The following MATN3 variants were observed in gnomAD, a reference collection of about 807,000 sequenced individuals.
MATN3 encodes matrilin 3, also known as matrilin-3.
MATN3 carries 48 observed loss-of-function variants against 45.3 expected under a neutral mutation model. The ratio of observed to expected loss-of-function variants is 1.06; its 90% confidence interval spans 0.84 to 1.35. The LOEUF (loss-of-function observed/expected upper bound fraction) is 1.35. MATN3 is among the 40% of genes most tolerant of loss of function. MATN3 has a pLI of 0.00. For synonymous variants in MATN3, 217 were observed against 245.9 expected (o/e 0.88, Z 1.10); for missense variants, 599 against 628.0 (o/e 0.95, Z 0.49).
chr2:20,002,688 C>T (rs1479529615), intron 3 of MATN3, among the ~76,000 whole-genome samples: 1 of 152,122 alleles, frequency 6.6e-6, no homozygotes, highest in Non-Finnish European at 1.5e-5. Flanking sequence ...CAGCCTCGAC[C>T]TCCTGGTCTC....
Position 20,002,191 on chromosome 2 carries a change from C to CACACACACACACACACACAG in MATN3, c.917-112_917-111insCTGTGTGTGTGTGTGTGTGT, listed in dbSNP as rs147407955. 3,074 of 757,610 alleles carry CACACACACACACACACACAG rather than the reference C, an allele frequency of 4.1e-3. 58 individuals are homozygous for CACACACACACACACACACAG. Among genetic ancestry groups the CACACACACACACACACACAG allele is most frequent in the East Asian group, 0.017 (493 of 29,300 alleles). 46.9% of individuals were successfully genotyped at this position (757,610 alleles called of 1,614,324 possible). ...ACACACACACACACACACACACACA[C>CACACACACACACACACACAG]AGAGCTAATGAAACAAGGGAGGGGC... is the stretch of plus-strand genomic sequence containing the variant. On this transcript the variant is annotated intron_variant, in intron 3 of 7. Coordinates refer to ENST00000407540, the MANE Select transcript of MATN3 (RefSeq NM_002381.5).
Position 20,000,485 on chromosome 2 carries a change from C to T in MATN3, c.1124G>A (p.Cys375Tyr). Residue 375 changes from cysteine to tyrosine, a missense_variant, in exon 5 of 8, where the codon TGC (cysteine) becomes TAC (tyrosine). Transcript: ENST00000407540. ...NDRTGSHHCECYEGYTLNADK... is the reference protein window; with the variant it reads ...NDRTGSHHCEYYEGYTLNADK... ...TGCATTCAGAGTGTAGCCCTCATAG[C>T]ATTCACAATGATGGGACCCTGTTCT... The T allele has an allele frequency of 3.1e-6, 5 of 1,612,462 alleles. No individual in the cohort carries two copies. The highest frequency in any genetic ancestry group is 4.2e-6 in the Non-Finnish European group (5 of 1,178,992).
chr2:19,993,943 A>G (rs764982622), intron 7 of MATN3, among the ~76,000 whole-genome samples: 18 of 152,192 alleles, frequency 1.2e-4, no homozygotes, highest in Non-Finnish European at 2.4e-4. Flanking sequence ...ACACCCCATT[A>G]ATCAGCTGAC....
chr2:20,001,916 G>T (rs2103481996), intron 4 of MATN3, 39 bp downstream of exon 4: 2 of 1,600,048 alleles, frequency 1.2e-6, no homozygotes, highest in South Asian at 2.2e-5. Context: ...GGTAGGCAGA[G>T]AGCTAAGTAG....
chr2:20,006,080 G>A lies in MATN3; in HGVS notation c.454C>T (p.Arg152Ter), dbSNP rs760921257. ...DKQSLKQAVG[R>*]ITPLSTGTMS... is the part of the protein sequence containing the mutation. Reference sequence around the variant, plus strand: ...GTGCCTGTTGACAAGGGTGTGATTCGACCCACGGCCTGCTTCAGGGACTGC... The same window carrying A: ...GTGCCTGTTGACAAGGGTGTGATTCAACCCACGGCCTGCTTCAGGGACTGC... The change falls in exon 2 of 8, where the codon CGA becomes TGA. Residue 152 changes from arginine to a stop codon, truncating the protein, a stop_gained. Coordinates refer to ENST00000407540, the MANE Select transcript of MATN3 (RefSeq NM_002381.5). LOFTEE classifies it high-confidence loss of function. 27 of 1,613,842 alleles carry A rather than the reference G, an allele frequency of 1.7e-5. No homozygotes were observed. Among genetic ancestry groups the A allele is most frequent in the East Asian group, 2.2e-5 (1 of 44,892 alleles).
chr2:19,993,298 A>C, intron 7 of MATN3, 132 bp from the exon 8 acceptor site: 1 of 754,240 alleles, frequency 1.3e-6, no homozygotes, highest in South Asian at 1.7e-5. Flanking sequence ...CTGTTTTCTC[A>C]CCAAAAGTTG....
Position 19,994,319 on chromosome 2 carries a change from A to C in MATN3, c.1385T>G (p.Leu462Arg), listed in dbSNP as rs773613792. 19 of 1,612,464 alleles carry C rather than the reference A, an allele frequency of 1.2e-5. No homozygotes were observed. The highest frequency in any genetic ancestry group is 1.2e-4 in the Admixed American group (7 of 59,938). The change falls in exon 7 of 8, where the codon CTT (leucine) becomes CGT (arginine). Residue 462 changes from leucine to arginine, a missense_variant. Leu to Arg is a moderately radical substitution (Grantham distance 102). Transcript: ENST00000407540. ...LAFQDKVSSY[L>R]QRLNTKLDDI... Reference sequence around the variant, plus strand: ...GATATGTTTAGTGTTCAGTCTTTGAAGATACGAGCTGACCTTGTCCTGGAA... The same window carrying C: ...GATATGTTTAGTGTTCAGTCTTTGACGATACGAGCTGACCTTGTCCTGGAA...
chr2:20,003,046 C>T (rs1673017660), intron 3 of MATN3, 115 bp downstream of exon 3: 1 of 1,277,590 alleles, frequency 7.8e-7, no homozygotes, highest in Non-Finnish European at 1.1e-6. Flanking sequence ...GTAAACCAGC[C>T]AAAAGGCAGT....
intron 2 of MATN3, among the ~76,000 whole-genome samples, chr2:20,003,656 A>G (rs922660253): frequency 7.9e-5 from 12 of 152,228 alleles, no homozygotes; most frequent in African/African-American, 2.4e-4. Context: ...AGAACAATAA[A>G]TGCACAGCCT....
chr2:20,009,017 G>C (rs1027568931), intron 1 of MATN3, among the ~76,000 whole-genome samples: 1 of 151,988 alleles, frequency 6.6e-6, no homozygotes, highest in Non-Finnish European at 1.5e-5. Context: ...TTGAGCTCCG[G>C]AGTTCTAGAC....
chr2:20,002,178 A>ACACG, intron 3 of MATN3, 98 bp from the exon 4 acceptor site: 1 of 895,002 alleles, frequency 1.1e-6, no homozygotes, highest in Admixed American at 2.6e-5. Context: ...ACACACACAC[A>ACACG]CACACACACA....
chr2:20,001,050 C>A (rs1261751002), intron 4 of MATN3, among the ~76,000 whole-genome samples: 2 of 152,178 alleles, frequency 1.3e-5, no homozygotes, highest in African/African-American at 4.8e-5. Context: ...TCATTCAATG[C>A]ACTTTCCTCT....
Position 19,994,389 on chromosome 2 carries a change from G to C in MATN3, c.1315C>G (p.Leu439Val). 3 of 1,611,768 alleles carry C rather than the reference G, an allele frequency of 1.9e-6. No homozygotes were observed. Among genetic ancestry groups the C allele is most frequent in the Non-Finnish European group, 2.5e-6 (3 of 1,178,274 alleles). Reference sequence around the variant, plus strand: ...CCACAAGCATCTTCAGTGGAAACAAGTCTTCGTGCTTCCTCAGTGGCTGAA... The same window carrying C: ...CCACAAGCATCTTCAGTGGAAACAACTCTTCGTGCTTCCTCAGTGGCTGAA... ...TCSATEEARR[L>V]VSTEDACGCE... The change falls in exon 7 of 8, where the codon CTT becomes GTT. Residue 439 changes from leucine (L) to valine (V), a missense_variant. Physicochemically the swap from Leu to Val is conservative, Grantham distance 32. Transcript: ENST00000407540.
chr2:20,000,983 G>A (rs1048679131), intron 4 of MATN3, among the ~76,000 whole-genome samples: 8 of 152,154 alleles, frequency 5.3e-5, no homozygotes, highest in Non-Finnish European at 1.0e-4. Flanking sequence ...ATGAGGGAAA[G>A]GAGCGCGAGG....
Position 20,012,665 on chromosome 2 carries a change from G to A in MATN3, c.-34C>T, listed in dbSNP as rs1673243438. 1.9e-6 allele frequency: 2 copies of A among 1,066,174 alleles called. No homozygotes were observed. The highest frequency in any genetic ancestry group is 2.4e-6 in the Non-Finnish European group (2 of 842,290). The allele number at this position is 1,066,174 out of a possible 1,614,324, so 66.0% of individuals were successfully genotyped here. On this transcript the variant is annotated 5_prime_UTR_variant, in exon 1 of 8. Coordinates refer to ENST00000407540, the MANE Select transcript of MATN3 (RefSeq NM_002381.5). This position sits in a 1 kb window ranked among gnomAD's most constrained non-coding sequence, Gnocchi z 4.3. ...CCGTGGGCCTGGTGGTGTCCGTCGGGGGCCAGGAGCCCACGCGAGGCTCGG... is the reference window on the plus strand; with the variant it reads ...CCGTGGGCCTGGTGGTGTCCGTCGGAGGCCAGGAGCCCACGCGAGGCTCGG...
intron 1 of MATN3, among the ~76,000 whole-genome samples, chr2:20,010,304 T>C (rs978262645): frequency 1.3e-5 from 2 of 152,182 alleles, no homozygotes; most frequent in South Asian, 2.1e-4. Flanking sequence ...GCTATGTTCT[T>C]ATAACTAAAC....
rs749791991 is a variant in MATN3 at position 20,005,842 on chromosome 2, T to C, written c.692A>G (p.Lys231Arg). 5.6e-6 allele frequency: 9 copies of C among 1,610,712 alleles called. No individual in the cohort carries two copies. In the Admixed American group the frequency reaches 1.5e-4, roughly 27 times the overall value. The change falls in exon 2 of 8, where the codon AAG becomes AGG. Residue 231 changes from lysine (K) to arginine (R), a missense_variant. Physicochemically the swap from Lys to Arg is conservative, Grantham distance 26. Coordinates refer to ENST00000407540, the MANE Select transcript of MATN3 (RefSeq NM_002381.5). ...GVDRADMASL[K>R]MMASEPLEEH... ...CTCTAGGGGCTCACTGGCCATCATC[T>C]TGAGGGACGCCATGTCTGCCCGGTC...
At chr2:20,001,250 A>T (rs1425637323) in intron 4 of MATN3, among the ~76,000 whole-genome samples, 1 of 152,222 alleles carries the variant, frequency 6.6e-6, no homozygotes, top group Non-Finnish European at 1.5e-5. Context: ...ATGATTTACT[A>T]ATCTACAGAC....
At chr2:19,994,592 A>T (rs1672825006) in intron 6 of MATN3, among the ~76,000 whole-genome samples, 183 bp from the exon 7 acceptor site, 1 of 152,260 alleles carries the variant, frequency 6.6e-6, no homozygotes, top group South Asian at 2.1e-4. Flanking sequence ...AGAAAAATTC[A>T]TCTTAGGATA....
Sources: allele counts gnomAD v4.1 joint callset (sites outside exome capture counted in the v4.1 genomes callset), GRCh38; gene constraint gnomAD v4.1.1; non-coding constraint Gnocchi (gnomAD v3.1); transcripts MANE v1.5; gene names NCBI Gene and HGNC (gene_info 2026-07-23, HGNC 2026-07-21).